Variants in HPSE2 observed in about 807,000 individuals in gnomAD.
The protein encoded by HPSE2 is inactive heparanase-2.
Under a neutral mutation model 60.5 loss-of-function variants are expected in HPSE2, and 38 were observed. The ratio of observed to expected loss-of-function variants is 0.63; its 90% CI spans 0.48 to 0.82. The LOEUF (loss-of-function observed/expected upper bound fraction) is 0.82, where lower values mean the gene tolerates loss of function less well. Among genes scored for constraint, HPSE2 ranks in the 40% least tolerant of loss-of-function variants. The pLI, the probability that HPSE2 is intolerant of heterozygous loss-of-function variation, is 0.00. For missense variants in HPSE2, 713 were observed against 740.4 expected (o/e 0.96, Z 0.43); for synonymous variants, 295 against 293.2 (o/e 1.01, Z -0.06).
At chr10:98,508,050 C>T (rs1158675449) in intron 9 of HPSE2, among the ~76,000 whole-genome samples, 2 of 151,876 alleles carry the variant, frequency 1.3e-5, no homozygotes, top group Non-Finnish European at 2.9e-5. Flanking sequence ...AAGGCAAATA[C>T]AATGTTTTTT....
At chr10:99,080,824 G>T (rs1174430766) in intron 3 of HPSE2, among the ~76,000 whole-genome samples, 1 of 151,880 alleles carries the variant, frequency 6.6e-6, no homozygotes, top group East Asian at 1.9e-4. Context: ...ATACAATGAG[G>T]TTTTTTTTCA....
chr10:98,901,366 G>A (rs1018799982), intron 3 of HPSE2, among the ~76,000 whole-genome samples: 3 of 152,270 alleles, frequency 2.0e-5, no homozygotes, highest in African/African-American at 7.2e-5. Context: ...CAATACAGTT[G>A]ATTTGGAAAA....
chr10:99,116,115 G>T (rs957410770), intron 3 of HPSE2, among the ~76,000 whole-genome samples: 6 of 151,928 alleles, frequency 3.9e-5, no homozygotes, highest in Non-Finnish European at 1.5e-5. Flanking sequence ...TGCTTCCCAA[G>T]ACACATTTTC....
intron 9 of HPSE2, among the ~76,000 whole-genome samples, chr10:98,610,362 C>T (rs1347652736): frequency 1.3e-5 from 2 of 152,118 alleles, no homozygotes; most frequent in African/African-American, 4.8e-5. Context: ...TAGGCAGGCA[C>T]CAGTAAGAGT....
intron 5 of HPSE2, among the ~76,000 whole-genome samples, chr10:98,704,071 T>A (rs868283933): frequency 1.3e-5 from 2 of 152,266 alleles, no homozygotes; most frequent in Middle Eastern, 3.4e-3. Context: ...CAGCAAAGTC[T>A]CAGGAGACAA....
At chr10:98,699,123 C>A (rs1186593391) in intron 5 of HPSE2, among the ~76,000 whole-genome samples, 1 of 151,900 alleles carries the variant, frequency 6.6e-6, no homozygotes, top group Admixed American at 6.6e-5. Flanking sequence ...AAGAGGGAAT[C>A]CTCCCTAACT....
intron 9 of HPSE2, among the ~76,000 whole-genome samples, chr10:98,586,639 CTTTGTAAAATAGGAGA>C (rs1256785418): frequency 8.5e-5 from 13 of 152,158 alleles, no homozygotes; most frequent in Non-Finnish European, 1.9e-4. Flanking sequence ...TTCTGAGACT[CTTTGTAAAATAGGAGA>C]TTGCAAGATT....
chr10:98,587,924 A>T (rs1944982619), intron 9 of HPSE2, among the ~76,000 whole-genome samples: 1 of 152,230 alleles, frequency 6.6e-6, no homozygotes, highest in African/African-American at 2.4e-5. Context: ...GAATACATGA[A>T]ATAGCTAATT....
intron 3 of HPSE2, among the ~76,000 whole-genome samples, chr10:98,946,811 A>G (rs1379038713): frequency 6.6e-6 from 1 of 152,222 alleles, no homozygotes; most frequent in South Asian, 2.1e-4. Context: ...ATAATTCTGT[A>G]GCTACCTCCT....
At chr10:98,559,310 G>A (rs1415036757) in intron 9 of HPSE2, among the ~76,000 whole-genome samples, 1 of 152,188 alleles carries the variant, frequency 6.6e-6, no homozygotes, top group African/African-American at 2.4e-5. Context: ...TTACAAGCAT[G>A]AGCCGCTGCA....
chr10:99,048,291 G>A (rs1232437637), intron 3 of HPSE2: 3 of 459,042 alleles, frequency 6.5e-6, no homozygotes, highest in Non-Finnish European at 1.2e-5. Flanking sequence ...TCTCCACAAG[G>A]TGGAATGAAG....
At chr10:99,010,068 G>C (rs1169128666) in intron 3 of HPSE2, among the ~76,000 whole-genome samples, 1 of 152,180 alleles carries the variant, frequency 6.6e-6, no homozygotes, top group Non-Finnish European at 1.5e-5. Context: ...AATCCGCTCT[G>C]TTGTGACCAC....
intron 3 of HPSE2, among the ~76,000 whole-genome samples, chr10:98,917,185 T>A (rs1263835110): frequency 6.6e-6 from 1 of 152,194 alleles, no homozygotes; most frequent in Admixed American, 6.5e-5. Context: ...CCCCACTCAC[T>A]ATTAGTCTGT....
At chr10:98,822,891 G>A (rs1220404970) in intron 3 of HPSE2, among the ~76,000 whole-genome samples, 1 of 152,138 alleles carries the variant, frequency 6.6e-6, no homozygotes, top group Non-Finnish European at 1.5e-5. Context: ...TTACTTTATG[G>A]GGCAAAAGAG....
At chr10:98,590,768 A>G (rs1017067354) in intron 9 of HPSE2, among the ~76,000 whole-genome samples, 3 of 152,230 alleles carry the variant, frequency 2.0e-5, no homozygotes, top group Non-Finnish European at 4.4e-5. Context: ...TAGTGGTTAC[A>G]GAGTGGTTTC....
At chr10:99,281,653 TC>T in the HPSE2 span, among the ~76,000 whole-genome samples, 3 of 152,196 alleles carry the variant, frequency 2.0e-5, no homozygotes, top group Non-Finnish European at 4.4e-5. Context: ...TCCTTTATCT[TC>T]CCTTTATCAT....
chr10:99,028,420 T>C lies in HPSE2; in HGVS notation c.610+115818A>G, dbSNP rs985802607. ...ATAGCCACAAATAAATACCTAGGAA[T>C]TAACCAAAGAAGTGAAAGATAAATG... On this transcript the variant is annotated intron_variant, in intron 3 of 11. Coordinates refer to ENST00000370552, the MANE Select transcript of HPSE2 (RefSeq NM_021828.5). 1.9e-4 allele frequency among the ~76,000 whole-genome samples: 29 copies of C among 151,946 alleles called. 1 individual carries two copies. The highest frequency in any genetic ancestry group is 7.0e-4 in the African/African-American group (29 of 41,448).
rs1466020275 is a variant in HPSE2, at chr10:99,046,350, A to G, written c.610+97888T>C. 2.0e-5 allele frequency among the ~76,000 whole-genome samples: 3 copies of G among 152,216 alleles called. No individual in the cohort carries two copies. In the East Asian group the frequency reaches 5.8e-4, roughly 29 times the overall value. ...CATACCTCAAAATAGTAAGAGCTAT[A>G]TAACAAACCCTCAGCCAACATCATA... is the stretch of plus-strand genomic sequence containing the variant. On this transcript the variant is annotated intron_variant, in intron 3 of 11. Coordinates refer to ENST00000370552, the MANE Select transcript of HPSE2 (RefSeq NM_021828.5).
At chr10:98,908,042 A>C (rs1953872927) in intron 3 of HPSE2, among the ~76,000 whole-genome samples, 1 of 152,198 alleles carries the variant, frequency 6.6e-6, no homozygotes, top group Admixed American at 6.5e-5. Context: ...CAAGATACCA[A>C]AGTGAAAGCA....
Sources: gnomAD v4.1 joint callset for allele counts (sites outside exome capture counted in the v4.1 genomes callset) on GRCh38, gnomAD v4.1.1 for gene constraint, MANE v1.5 for transcripts, NCBI Gene and HGNC (gene_info 2026-07-23, HGNC 2026-07-21) for gene names.